Variants in NRXN3 observed in about 807,000 individuals in gnomAD.
NRXN3 encodes the protein neurexin 3.
A neutral mutation model predicts 137.6 loss-of-function variants in NRXN3; 32 were observed. The observed-to-expected ratio is 0.23, with a 90% CI of 0.18 to 0.31. The LOEUF (loss-of-function observed/expected upper bound fraction) is 0.31. Among genes scored for constraint, NRXN3 ranks in the 10% least tolerant of loss-of-function variants. The probability of loss-of-function intolerance (pLI) is 1.00; values close to 1 mark genes in which losing one functional copy is unlikely to be tolerated. For synonymous variants in NRXN3, 798 were observed against 784.5 expected, an observed-to-expected ratio of 1.02 and a Z score of -0.29; for missense variants, 1,574 against 2,062.5, an observed-to-expected ratio of 0.76 and a Z score of 4.59.
chr14:78,584,977 A>G (rs183897168), intron 4 of NRXN3, among the ~76,000 whole-genome samples: 1 of 152,260 alleles, frequency 6.6e-6, no homozygotes. Flanking sequence ...GCATAGCATT[A>G]GCTTCAGGAT....
At chr14:78,498,701 A>G (rs1266396012) in intron 4 of NRXN3, among the ~76,000 whole-genome samples, 1 of 152,176 alleles carries the variant, frequency 6.6e-6, no homozygotes, top group Admixed American at 6.5e-5. Flanking sequence ...GGATAATTTC[A>G]GTGGTGACTT....
intron 15 of NRXN3, among the ~76,000 whole-genome samples, chr14:79,007,597 A>T (rs1374931495): frequency 6.6e-6 from 1 of 151,924 alleles, no homozygotes; most frequent in African/African-American, 2.4e-5. Flanking sequence ...CACGGTCAGG[A>T]GATCGAGACC....
intron 15 of NRXN3, among the ~76,000 whole-genome samples, chr14:79,199,302 A>AT (rs1279303710): frequency 4.1e-5 from 6 of 147,934 alleles, no homozygotes; most frequent in Admixed American, 6.7e-5. Flanking sequence ...GTGCCTTTCC[A>AT]TTTTTTATAT....
At chr14:79,717,470 A>T (rs1011100321) in intron 19 of NRXN3, among the ~76,000 whole-genome samples, 4 of 152,216 alleles carry the variant, frequency 2.6e-5, no homozygotes, top group Non-Finnish European at 2.9e-5. Flanking sequence ...GATCTTCAGG[A>T]AAAGCAATCA....
chr14:79,807,238 T>C (rs1279142456), intron 20 of NRXN3, among the ~76,000 whole-genome samples: 2 of 151,922 alleles, frequency 1.3e-5, no homozygotes, highest in African/African-American at 4.8e-5. Context: ...ACCTCCCAAA[T>C]GTTTTTCTTC....
At chr14:78,531,587 C>T (rs939146752) in intron 4 of NRXN3, among the ~76,000 whole-genome samples, 5 of 151,652 alleles carry the variant, frequency 3.3e-5, no homozygotes, top group Non-Finnish European at 5.9e-5. Flanking sequence ...TCCATCTGTG[C>T]CAATCTGAAC....
At chr14:78,181,855 T>C (rs2059837264) in intron 1 of NRXN3, among the ~76,000 whole-genome samples, 2 of 152,144 alleles carry the variant, frequency 1.3e-5, no homozygotes. Context: ...GCTAATATTC[T>C]ATTCACTTTT....
At chr14:79,506,612 T>C (rs971333470) in intron 16 of NRXN3, among the ~76,000 whole-genome samples, 1 of 152,194 alleles carries the variant, frequency 6.6e-6, no homozygotes, top group Admixed American at 6.5e-5. Context: ...TTTTTGTCTT[T>C]CCTAGCTCCC....
rs80181520 is a variant in NRXN3, at chr14:79,698,425, C to T, written c.4014+488C>T. ...AGTTAAAGTTAGAAGTGCAACTACT[C>T]CTTGTAAAATGCAGTCTTTATGTTT... On this transcript the variant is annotated intron_variant, in intron 19 of 20. Coordinates refer to ENST00000335750, the MANE Select transcript of NRXN3 (RefSeq NM_001330195.2). Among the ~76,000 whole-genome samples the T allele has an allele frequency of 0.011, 1,658 of 152,028 alleles. 128 individuals carry two copies. The East Asian group carries it at 0.21, about 19-fold the overall frequency.
chr14:78,258,805 C>T (rs892062912), intron 2 of NRXN3, among the ~76,000 whole-genome samples: 2 of 152,084 alleles, frequency 1.3e-5, no homozygotes, highest in African/African-American at 4.8e-5. Flanking sequence ...GTTGGTTTTT[C>T]TTCTACCTTC....
At chr14:79,103,304 C>T (rs1341846706) in intron 15 of NRXN3, among the ~76,000 whole-genome samples, 3 of 152,012 alleles carry the variant, frequency 2.0e-5, no homozygotes, top group African/African-American at 7.3e-5. Context: ...GCCATATGTA[C>T]TTAGGTTTGA....
intron 4 of NRXN3, among the ~76,000 whole-genome samples, chr14:78,594,823 C>T (rs2097146518): frequency 1.3e-5 from 2 of 152,232 alleles, no homozygotes; most frequent in Admixed American, 6.5e-5. Context: ...TACCAGGAAT[C>T]ACAGTTGGTT....
In NRXN3 at chr14:78,971,976, A is replaced by G. The variant is rs2099442884; in HGVS notation, c.3142+3630A>G. On this transcript the variant is annotated intron_variant, in intron 14 of 20. Coordinates refer to ENST00000335750, the MANE Select transcript of NRXN3 (RefSeq NM_001330195.2). The stretch of plus-strand genomic sequence containing the variant: ...AGTATGAGTAGCAAAAAAGAAAAAA[A>G]TCTTGAAACTAGTATTTGATTTTAT... Among the ~76,000 whole-genome samples the G allele has an allele frequency of 2.0e-5, 3 of 152,190 alleles. No homozygotes were observed. The South Asian group carries it at 6.2e-4, about 31-fold the overall frequency.
intron 8 of NRXN3, among the ~76,000 whole-genome samples, chr14:78,776,763 A>G (rs1021512391): frequency 6.6e-6 from 1 of 152,192 alleles, no homozygotes; most frequent in East Asian, 1.9e-4. Context: ...GATCAGACAC[A>G]TTAAACTTCG....
intron 20 of NRXN3, among the ~76,000 whole-genome samples, chr14:79,859,752 T>C (rs2099410431): frequency 6.6e-6 from 1 of 152,136 alleles, no homozygotes; most frequent in African/African-American, 2.4e-5. Context: ...AGTTGACAGC[T>C]CAATGGGTCA....
At chr14:79,107,794 G>GA (rs978334730) in intron 15 of NRXN3, among the ~76,000 whole-genome samples, 2 of 152,086 alleles carry the variant, frequency 1.3e-5, no homozygotes, top group Non-Finnish European at 2.9e-5. Flanking sequence ...TGCCGAGATG[G>GA]AGAAGACTGG....
chr14:78,339,671 C>G (rs2081938580), intron 4 of NRXN3, among the ~76,000 whole-genome samples: 1 of 152,164 alleles, frequency 6.6e-6, no homozygotes, highest in Non-Finnish European at 1.5e-5. Context: ...AATCCCTCCT[C>G]TGTACACATG....
intron 10 of NRXN3, among the ~76,000 whole-genome samples, chr14:78,914,720 C>T (rs551800692): frequency 6.6e-6 from 1 of 152,160 alleles, no homozygotes; most frequent in African/African-American, 2.4e-5. Flanking sequence ...CCTGAATTGT[C>T]CTGTAGGCCA....
At chr14:78,991,872 A>T (rs2099519625) in intron 15 of NRXN3, among the ~76,000 whole-genome samples, 1 of 152,190 alleles carries the variant, frequency 6.6e-6, no homozygotes, top group Admixed American at 6.5e-5. Flanking sequence ...AGTCTCATTT[A>T]GTGTGAGTTG....
Sources: allele counts gnomAD v4.1 joint callset (sites outside exome capture counted in the v4.1 genomes callset), GRCh38; gene constraint gnomAD v4.1.1; transcripts MANE v1.5; gene names NCBI Gene and HGNC (gene_info 2026-07-23, HGNC 2026-07-21).